The following BMP7 variants were observed in gnomAD, a reference collection of about 807,000 sequenced individuals.
The protein encoded by BMP7 is osteogenic protein 1.
In BMP7, 12 loss-of-function variants were observed where a neutral mutation model predicts 41.2. The ratio of observed to expected loss-of-function variants is 0.29; its 90% CI spans 0.19 to 0.47. The LOEUF (loss-of-function observed/expected upper bound fraction) is 0.47. Among genes scored for constraint, BMP7 ranks in the 20% least tolerant of loss-of-function variants. The pLI is 0.99. For missense variants in BMP7, 467 were observed against 606.0 expected (o/e 0.77, Z 2.41); for synonymous variants, 248 against 250.0 (o/e 0.99, Z 0.07).
intron 1 of BMP7, among the ~76,000 whole-genome samples, chr20:57,246,437 C>T (rs1477361667): frequency 6.6e-6 from 1 of 152,210 alleles, no homozygotes; most frequent in African/African-American, 2.4e-5. Context: ...CTCCTGCCCT[C>T]ATGTGAGACT....
chr20:57,202,348 C>G (rs1376679313), intron 3 of BMP7, 127 bp downstream of exon 3: 2 of 1,293,786 alleles, frequency 1.5e-6, no homozygotes, highest in African/African-American at 1.5e-5. Context: ...AAAGGCTGAA[C>G]ATGGAGTACT....
At chr20:57,256,936 T>A (rs1248041556) in intron 1 of BMP7, among the ~76,000 whole-genome samples, 1 of 151,600 alleles carries the variant, frequency 6.6e-6, no homozygotes, top group African/African-American at 2.4e-5. Flanking sequence ...CTAGTTAGGA[T>A]CATTTGTACT....
chr20:57,179,571 G>C (rs1324498509), intron 4 of BMP7, among the ~76,000 whole-genome samples: 1 of 152,232 alleles, frequency 6.6e-6, no homozygotes, highest in African/African-American at 2.4e-5. Context: ...TCCGCGTGGG[G>C]TAGCGTGCCG....
intron 4 of BMP7, among the ~76,000 whole-genome samples, chr20:57,183,217 A>C (rs1984124927): frequency 6.6e-6 from 1 of 152,104 alleles, no homozygotes; most frequent in South Asian, 2.1e-4. Context: ...CCTGGGTGAC[A>C]GAGTGAGACT....
chr20:57,177,051 A>G (rs1339097300), intron 4 of BMP7, among the ~76,000 whole-genome samples: 1 of 152,180 alleles, frequency 6.6e-6, no homozygotes, highest in Non-Finnish European at 1.5e-5. Context: ...TGGACCACAC[A>G]CTGCAAATTA....
rs80232933 is a variant in BMP7 at position 57,253,933 on chromosome 20, T to A, written c.418+11772A>T. On this transcript the variant is annotated intron_variant, in intron 1 of 6. Coordinates refer to ENST00000395863, the MANE Select transcript of BMP7 (RefSeq NM_001719.3). Reference sequence around the variant, plus strand: ...ACTCGACTCCAGATTTGTTTCAGACTGTACCAGTGTTTCCACAGATGTCCT... The same window carrying A: ...ACTCGACTCCAGATTTGTTTCAGACAGTACCAGTGTTTCCACAGATGTCCT... 1.3e-3 allele frequency among the ~76,000 whole-genome samples: 190 copies of A among 151,988 alleles called. 1 individual carries two copies. Among genetic ancestry groups the A allele is most frequent in the African/African-American group, 4.4e-3 (184 of 41,470 alleles).
At chr20:57,234,957 C>A (rs886498944) in intron 1 of BMP7, among the ~76,000 whole-genome samples, 1 of 152,278 alleles carries the variant, frequency 6.6e-6, no homozygotes, top group Admixed American at 6.5e-5. Context: ...ATTTCCACAA[C>A]GTGAATGCAC....
rs552404432 is a variant in BMP7 at position 57,177,627 on chromosome 20, T to C, written c.959-2620A>G. The stretch of plus-strand genomic sequence containing the variant: ...CCTCCCAAAATGCCATTTTTGAATA[T>C]ATCTATTTATACAGATATAAAATTT... On this transcript the variant is annotated intron_variant, in intron 4 of 6. Transcript: ENST00000395863. The C allele has an allele frequency of 2.6e-5, 4 of 152,358 alleles. No homozygotes were observed. In the East Asian group the frequency reaches 7.7e-4, roughly 29 times the overall value. The allele number at this position is 152,358 out of a possible 1,614,324, so 9.4% of individuals were successfully genotyped here.
chr20:57,228,100 A>C lies in BMP7; in HGVS notation c.611+129T>G, dbSNP rs997821718. 1.9e-6 allele frequency: 2 copies of C among 1,045,044 alleles called. No homozygotes were observed. Among genetic ancestry groups the C allele is most frequent in the Admixed American group, 3.4e-5 (2 of 58,248 alleles). The allele number at this position is 1,045,044 out of a possible 1,614,324, so 64.7% of individuals were successfully genotyped here. ...ACATACACCATACACCTTCTTTAGA[A>C]GGGATAATCTGGTACAGGGCCTGGC... On this transcript the variant is annotated intron_variant, in intron 2 of 6. Transcript: ENST00000395863. This position sits in a 1 kb window ranked among gnomAD's most constrained non-coding sequence, Gnocchi z 4.5.
intron 1 of BMP7, among the ~76,000 whole-genome samples, chr20:57,241,464 T>TG (rs1401052522): frequency 6.6e-6 from 1 of 152,088 alleles, no homozygotes; most frequent in African/African-American, 2.4e-5. Flanking sequence ...GCCCCCAGAT[T>TG]GGGGGGCAGG....
intron 1 of BMP7, among the ~76,000 whole-genome samples, chr20:57,254,007 G>A (rs1405528319): frequency 7.7e-6 from 1 of 129,650 alleles, no homozygotes; most frequent in African/African-American, 3.0e-5. Context: ...ATTTTCTTTT[G>A]GTTTCTTTCC....
At chr20:57,216,213 C>T (rs765539781) in intron 2 of BMP7, among the ~76,000 whole-genome samples, 4 of 152,126 alleles carry the variant, frequency 2.6e-5, no homozygotes, top group African/African-American at 9.7e-5. Flanking sequence ...GAAGCTGTGC[C>T]GGTGCCAAAG....
At chr20:57,209,260 T>C (rs909470079) in intron 2 of BMP7, among the ~76,000 whole-genome samples, 9 of 113,040 alleles carry the variant, frequency 8.0e-5, no homozygotes, top group Non-Finnish European at 1.1e-4. Flanking sequence ...TATATATATA[T>C]ATATATATAT....
At chr20:57,239,880 G>C (rs1329855663) in intron 1 of BMP7, among the ~76,000 whole-genome samples, 2 of 152,166 alleles carry the variant, frequency 1.3e-5, no homozygotes, top group African/African-American at 4.8e-5. Flanking sequence ...CAAGTCCCTA[G>C]GGTGCACACA....
chr20:57,265,228 G>C (rs2146035493), intron 1 of BMP7, among the ~76,000 whole-genome samples: 1 of 152,334 alleles, frequency 6.6e-6, no homozygotes, highest in African/African-American at 2.4e-5. Flanking sequence ...GCACCACGAG[G>C]GGACAGGTAG....
At chr20:57,251,575 T>C (rs1188702969) in intron 1 of BMP7, among the ~76,000 whole-genome samples, 4 of 151,886 alleles carry the variant, frequency 2.6e-5, no homozygotes, top group African/African-American at 9.7e-5. Flanking sequence ...CCAGTGAACA[T>C]GGAGGGGGGG....
intron 4 of BMP7, 74 bp from the exon 5 acceptor site, chr20:57,175,081 A>G (rs1275675633): frequency 4.1e-6 from 6 of 1,448,438 alleles, no homozygotes; most frequent in Non-Finnish European, 5.7e-6. Context: ...AGTTCCCTCC[A>G]TCTTAGGCAG....
intron 2 of BMP7, among the ~76,000 whole-genome samples, chr20:57,211,640 C>A (rs1208194042): frequency 6.6e-6 from 1 of 151,688 alleles, no homozygotes; most frequent in Admixed American, 6.6e-5. Flanking sequence ...CTCATGGGCC[C>A]AAAGGAATCA....
intron 3 of BMP7, among the ~76,000 whole-genome samples, chr20:57,200,414 GA>G (rs1265932171): frequency 6.6e-6 from 1 of 152,200 alleles, no homozygotes; most frequent in Non-Finnish European, 1.5e-5. Context: ...GACAATGGGG[GA>G]GTAGGTGCTG....
Sources: gnomAD v4.1 joint callset for allele counts (sites outside exome capture counted in the v4.1 genomes callset) on GRCh38, gnomAD v4.1.1 for gene constraint, Gnocchi (gnomAD v3.1) non-coding constraint, MANE v1.5 for transcripts, NCBI Gene and HGNC (gene_info 2026-07-23, HGNC 2026-07-21) for gene names.